Variants in LIN28B observed in about 807,000 individuals in gnomAD.
LIN28B encodes the protein lin-28 RNA binding posttranscriptional regulator B, also known as protein lin-28 homolog B.
A neutral mutation model predicts 21.9 loss-of-function variants in LIN28B; 5 were observed. The observed-to-expected ratio is 0.23, with a 90% CI of 0.12 to 0.48. The LOEUF (loss-of-function observed/expected upper bound fraction) is 0.48. LIN28B is among the 20% of genes least tolerant of loss of function. The pLI is 0.98. For synonymous variants in LIN28B, 109 were observed against 111.3 expected (o/e 0.98, Z 0.13); for missense variants, 245 against 310.5 (o/e 0.79, Z 1.58).
At chr6:104,938,920 A>G (rs1025857769) in intron 2 of LIN28B, among the ~76,000 whole-genome samples, 1 of 152,182 alleles carries the variant, frequency 6.6e-6, no homozygotes, top group African/African-American at 2.4e-5. Flanking sequence ...GAGTGCTGGG[A>G]TACTAACCCT....
At chr6:104,952,543 TA>T (rs1178423418), upstream of LIN28B, among the ~76,000 whole-genome samples, 1 of 152,168 alleles carries the variant, frequency 6.6e-6, no homozygotes, top group South Asian at 2.1e-4. Context: ...GTATAATTTT[TA>T]AAAAAAGTTA....
chr6:105,042,780 T>A (rs1198141445), intron 3 of LIN28B, among the ~76,000 whole-genome samples: 2 of 152,246 alleles, frequency 1.3e-5, no homozygotes, highest in Non-Finnish European at 2.9e-5. Flanking sequence ...CAGCTCTCTC[T>A]CTCAGGTTAC....
At chr6:104,946,942 A>G (rs1482326076) in intron 2 of LIN28B, among the ~76,000 whole-genome samples, 1 of 152,174 alleles carries the variant, frequency 6.6e-6, no homozygotes, top group Non-Finnish European at 1.5e-5. Flanking sequence ...TTTTCTTATT[A>G]TGGTGAATAC....
chr6:105,010,813 C>G (rs1194560051), intron 2 of LIN28B, among the ~76,000 whole-genome samples: 1 of 152,188 alleles, frequency 6.6e-6, no homozygotes, highest in East Asian at 1.9e-4. Context: ...CATCTCAAGA[C>G]ATGGAACATT....
Position 105,081,974 on chromosome 6 carries a change from A to G in LIN28B, c.*3191A>G, listed in dbSNP as rs1316414934. ...AAGCATCACTTTGCAGGGATTACTA[A>G]TGGTGGGGCAGCAGGTCTGTGAATT... On this transcript the variant is annotated 3_prime_UTR_variant, in exon 4 of 4. Transcript: ENST00000345080. The G allele has an allele frequency of 6.6e-6, 1 of 152,576 alleles. No homozygotes were observed. The highest frequency in any genetic ancestry group is 1.5e-5 in the Non-Finnish European group (1 of 68,024). The allele number at this position is 152,576 out of a possible 1,614,324, so 9.5% of individuals were successfully genotyped here. A position where few individuals can be genotyped will look rare whatever the true frequency, so the allele number is the denominator to read the frequency against.
chr6:105,016,608 G>A (rs1406271720), intron 2 of LIN28B, among the ~76,000 whole-genome samples: 1 of 151,948 alleles, frequency 6.6e-6, no homozygotes, highest in Admixed American at 6.6e-5. Context: ...ACTTTTTTCT[G>A]CCTCCCTCCC....
At chr6:104,961,982 G>A (rs1371125005) in intron 2 of LIN28B, among the ~76,000 whole-genome samples, 1 of 152,094 alleles carries the variant, frequency 6.6e-6, no homozygotes, top group Non-Finnish European at 1.5e-5. Flanking sequence ...ACTACCTGTT[G>A]ATGTTTGTTA....
chr6:105,057,005 G>A (rs1364737771), intron 3 of LIN28B, among the ~76,000 whole-genome samples: 4 of 152,148 alleles, frequency 2.6e-5, no homozygotes, highest in Non-Finnish European at 5.9e-5. Flanking sequence ...TGTTATAGCT[G>A]TAGACCACAG....
At chr6:105,016,298 G>A (rs1771023466) in intron 2 of LIN28B, among the ~76,000 whole-genome samples, 1 of 152,094 alleles carries the variant, frequency 6.6e-6, no homozygotes, top group African/African-American at 2.4e-5. Context: ...GATTCATTGT[G>A]TCAGCTAAGA....
intron 2 of LIN28B, among the ~76,000 whole-genome samples, chr6:104,945,455 C>T (rs1166708091): frequency 6.6e-6 from 1 of 151,898 alleles, no homozygotes; most frequent in Admixed American, 6.6e-5. Flanking sequence ...AATAAAATTT[C>T]CTTGTTATTA....
chr6:105,008,606 T>G (rs1334087164), intron 2 of LIN28B, among the ~76,000 whole-genome samples: 2 of 147,526 alleles, frequency 1.4e-5, no homozygotes, highest in African/African-American at 5.0e-5. Flanking sequence ...ATTGTGCCAC[T>G]GCACTCCAGC....
chr6:104,957,122 A>G lies in LIN28B; in HGVS notation c.-129A>G. ...AGAAAAAAATCAAAAGAAGGAAAGC[A>G]CATTAGACCATGCGAGCTAAATTTG... On this transcript the variant is annotated 5_prime_UTR_variant, in exon 1 of 4. Coordinates refer to ENST00000345080, the MANE Select transcript of LIN28B (RefSeq NM_001004317.4). The G allele has an allele frequency of 6.2e-7, 1 of 1,600,678 alleles. No individual in the cohort carries two copies. Among genetic ancestry groups the G allele is most frequent in the Non-Finnish European group, 8.5e-7 (1 of 1,174,048 alleles).
At chr6:104,997,920 C>T (rs1770645680) in intron 2 of LIN28B, among the ~76,000 whole-genome samples, 1 of 151,976 alleles carries the variant, frequency 6.6e-6, no homozygotes. Context: ...CTTCTACATG[C>T]TTTTGAAAAG....
intron 2 of LIN28B, among the ~76,000 whole-genome samples, chr6:104,982,513 T>C (rs1770247087): frequency 6.6e-6 from 1 of 152,190 alleles, no homozygotes; most frequent in South Asian, 2.1e-4. Flanking sequence ...AATTCAATCC[T>C]TTTATTTAAT....
chr6:104,943,605 G>T (rs1472314779), intron 2 of LIN28B, among the ~76,000 whole-genome samples: 1 of 152,184 alleles, frequency 6.6e-6, no homozygotes, highest in East Asian at 1.9e-4. Context: ...TGAAAGTGGC[G>T]TTACAAATTT....
intron 3 of LIN28B, among the ~76,000 whole-genome samples, chr6:105,063,478 A>G (rs572889664): frequency 6.6e-6 from 1 of 152,198 alleles, no homozygotes; most frequent in African/African-American, 2.4e-5. Context: ...TCTACTAAAA[A>G]TACAAAAATT....
chr6:105,076,421 A>G (rs774292702), intron 3 of LIN28B, among the ~76,000 whole-genome samples: 2 of 152,230 alleles, frequency 1.3e-5, no homozygotes, highest in African/African-American at 2.4e-5. Context: ...AATTTATGCC[A>G]GGAGATAAAA....
intron 2 of LIN28B, among the ~76,000 whole-genome samples, chr6:104,941,983 T>G (rs1778101039): frequency 6.6e-6 from 1 of 152,228 alleles, no homozygotes; most frequent in Non-Finnish European, 1.5e-5. Flanking sequence ...TTGAATTGTT[T>G]CATGTAACAC....
At chr6:104,963,149 C>T (rs1259580270) in intron 2 of LIN28B, among the ~76,000 whole-genome samples, 1 of 152,170 alleles carries the variant, frequency 6.6e-6, no homozygotes, top group African/African-American at 2.4e-5. Context: ...CGGGTTCACG[C>T]CATTCTCCTG....
Sources: allele counts gnomAD v4.1 joint callset (sites outside exome capture counted in the v4.1 genomes callset), GRCh38; gene constraint gnomAD v4.1.1; transcripts MANE v1.5; gene names NCBI Gene and HGNC (gene_info 2026-07-23, HGNC 2026-07-21).